The following VPS26B variants were observed in gnomAD, a reference collection of about 807,000 sequenced individuals.
The protein encoded by VPS26B is vacuolar protein sorting-associated protein 26B.
In VPS26B, 10 loss-of-function variants were observed where a neutral mutation model predicts 33.3. The observed-to-expected ratio is 0.30, with a 90% CI of 0.19 to 0.51. The LOEUF (loss-of-function observed/expected upper bound fraction) is 0.51, where lower values mean the gene tolerates loss of function less well. Ranked by LOEUF, VPS26B falls within the 20% of genes least tolerant of loss-of-function variation. The pLI, the probability that VPS26B is intolerant of heterozygous loss-of-function variation, is 0.98. For missense variants in VPS26B, 317 were observed against 452.7 expected (o/e 0.70, Z 2.72); for synonymous variants, 190 against 176.9 (o/e 1.07, Z -0.59).
chr11:134,242,503 T>G (rs1565358797), intron 3 of VPS26B, among the ~76,000 whole-genome samples: 1 of 152,250 alleles, frequency 6.6e-6, no homozygotes, highest in African/African-American at 2.4e-5. Context: ...TGTGCACATG[T>G]AGACTATTGA....
rs528601040 is a variant in VPS26B at position 134,224,824 on chromosome 11, C to G, written c.-299C>G. 1 of 156,968 alleles carries G rather than the reference C, an allele frequency of 6.4e-6. No individual in the cohort carries two copies. The highest frequency in any genetic ancestry group is 1.8e-4 in the East Asian group (1 of 5,432). 9.7% of individuals were successfully genotyped at this position (156,968 alleles called of 1,614,324 possible). On this transcript the variant is annotated 5_prime_UTR_variant, in exon 1 of 6. Transcript: ENST00000281187. ...GCATTGCACGGCCGACCCTCGCCCG[C>G]CCACTGCCACCGGCCGCGGGACTGG...
At chr11:134,227,067 GT>G (rs937244255) in intron 1 of VPS26B, among the ~76,000 whole-genome samples, 3 of 152,128 alleles carry the variant, frequency 2.0e-5, no homozygotes, top group African/African-American at 7.2e-5. Context: ...GTCTGGCATC[GT>G]TTGGCATGTT....
Position 134,234,911 on chromosome 11 carries a change from C to T in VPS26B, c.238C>T (p.Arg80Cys), listed in dbSNP as rs370978210. The T allele has an allele frequency of 6.2e-7, 1 of 1,614,020 alleles. No individual in the cohort carries two copies. The change falls in exon 2 of 6, where the codon CGC becomes TGC. Residue 80 changes from arginine (R) to cysteine (C), a missense_variant. Transcript: ENST00000281187. ...TCTCTCACCAGAACTCTACTACGAT[C>T]GCGGGAACCACCATGAGTTTGTGTC... Reference protein sequence around the residue: ...FIGQIELYYDRGNHHEFVSLV... With the variant: ...FIGQIELYYDCGNHHEFVSLV...
chr11:134,225,826 C>T (rs1226855128), intron 1 of VPS26B, among the ~76,000 whole-genome samples: 3 of 152,136 alleles, frequency 2.0e-5, no homozygotes, highest in Admixed American at 6.5e-5. Flanking sequence ...GAGCCCGCAC[C>T]AACCCGTTTT....
Position 134,244,711 on chromosome 11 carries a change from T to G in VPS26B, c.722-227T>G. On this transcript the variant is annotated intron_variant, in intron 4 of 5. Coordinates refer to ENST00000281187, the MANE Select transcript of VPS26B (RefSeq NM_052875.5). This position sits in a 1 kb window ranked among gnomAD's most constrained non-coding sequence, Gnocchi z 4.0. ...GTGCTGTTCCCACTCAGTTGCTCTCTGTTTTCGAGAAGACATGAGAAGCTG... is the reference window on the plus strand; with the variant it reads ...GTGCTGTTCCCACTCAGTTGCTCTCGGTTTTCGAGAAGACATGAGAAGCTG... 1.9e-6 allele frequency: 1 copy of G among 532,920 alleles called. No individual in the cohort carries two copies. The highest frequency in any genetic ancestry group is 3.3e-6 in the Non-Finnish European group (1 of 303,756). The allele number at this position is 532,920 out of a possible 1,614,324, so 33.0% of individuals were successfully genotyped here. A position where few individuals can be genotyped will look rare whatever the true frequency, so the allele number is the denominator to read the frequency against.
rs770428362 is a variant in VPS26B, at chr11:134,225,356, C to G, written c.223+11C>G. The G allele has an allele frequency of 1.9e-6, 3 of 1,612,880 alleles. No individual in the cohort carries two copies. The South Asian group carries it at 3.3e-5, about 18-fold the overall frequency. On this transcript the variant is annotated intron_variant, in intron 1 of 5. Coordinates refer to ENST00000281187, the MANE Select transcript of VPS26B (RefSeq NM_052875.5). ...TCATCGGGCAGATCGGTGAGTCGAC[C>G]CCCGGGACCCCCTCCCCCAGCGCCG...
intron 4 of VPS26B, 129 bp downstream of exon 4, chr11:134,243,423 TCAGTTTA>T: frequency 8.7e-7 from 1 of 1,152,356 alleles, no homozygotes; most frequent in Non-Finnish European, 1.2e-6. Flanking sequence ...TCTTAATCTC[TCAGTTTA>T]CACCGTGGGT....
rs915099694 is a variant in VPS26B, at chr11:134,225,102, C to G, written c.-21C>G. ...TGCGAGGGAGCGGTCCTTACCGAGACCCGCCCGGCCCGGCGGTGCGATGAG... is the reference window on the plus strand; with the variant it reads ...TGCGAGGGAGCGGTCCTTACCGAGAGCCGCCCGGCCCGGCGGTGCGATGAG... On this transcript the variant is annotated 5_prime_UTR_variant, in exon 1 of 6. Transcript: ENST00000281187. The G allele has an allele frequency of 3.2e-6, 5 of 1,582,250 alleles. No individual in the cohort carries two copies. The highest frequency in any genetic ancestry group is 4.3e-6 in the Non-Finnish European group (5 of 1,162,622).
intron 1 of VPS26B, among the ~76,000 whole-genome samples, chr11:134,229,847 G>A (rs1185518580): frequency 6.6e-6 from 1 of 152,074 alleles, no homozygotes; most frequent in African/African-American, 2.4e-5. Context: ...TTGGTTAATG[G>A]GGGAAAGTAT....
chr11:134,230,437 G>A (rs1400086425), intron 1 of VPS26B, among the ~76,000 whole-genome samples: 1 of 152,196 alleles, frequency 6.6e-6, no homozygotes, highest in Non-Finnish European at 1.5e-5. Flanking sequence ...AATCAGGTTT[G>A]TTTTGGTGGT....
chr11:134,235,172 G>A (rs978767045), intron 2 of VPS26B, 119 bp downstream of exon 2: 155 of 1,303,390 alleles, frequency 1.2e-4, no homozygotes, highest in Middle Eastern at 2.6e-4. Context: ...AGAGTGTCGC[G>A]AGCTGTGGCG....
intron 2 of VPS26B, chr11:134,235,660 G>C (rs1938620744): frequency 6.6e-6 from 1 of 152,106 alleles, no homozygotes; most frequent in Non-Finnish European, 1.5e-5. Context: ...TAATGGACTT[G>C]GATTCTAATT....
chr11:134,226,441 ACAGTAAAAGG>A (rs1452501802), intron 1 of VPS26B, among the ~76,000 whole-genome samples: 2 of 152,184 alleles, frequency 1.3e-5, no homozygotes, highest in African/African-American at 2.4e-5. Flanking sequence ...TAAGAACTAG[ACAGTAAAAGG>A]CAGTAATGGT....
intron 3 of VPS26B, among the ~76,000 whole-genome samples, chr11:134,241,933 A>G (rs1015005176): frequency 1.3e-5 from 2 of 152,250 alleles, no homozygotes; most frequent in African/African-American, 4.8e-5. Context: ...AAACACACAG[A>G]AAGTGTGAGG....
At chr11:134,227,520 TGAA>T (rs1192902111) in intron 1 of VPS26B, among the ~76,000 whole-genome samples, 1 of 152,172 alleles carries the variant, frequency 6.6e-6, no homozygotes, top group Non-Finnish European at 1.5e-5. Context: ...GAAAGGGAGT[TGAA>T]GAAACTGCTT....
intron 1 of VPS26B, among the ~76,000 whole-genome samples, chr11:134,234,165 A>G (rs888525214): frequency 6.6e-6 from 1 of 152,212 alleles, no homozygotes; most frequent in African/African-American, 2.4e-5. Context: ...CAGTGGAGGG[A>G]ATAACATGAA....
chr11:134,226,162 A>AG (rs1300748661), intron 1 of VPS26B, among the ~76,000 whole-genome samples: 1 of 152,186 alleles, frequency 6.6e-6, no homozygotes, highest in Non-Finnish European at 1.5e-5. Context: ...GCACTTTGAG[A>AG]GGCTGAAGTG....
intron 1 of VPS26B, 46 bp from the exon 2 acceptor site, chr11:134,234,851 C>T (rs537932010): frequency 2.5e-6 from 4 of 1,598,452 alleles, no homozygotes; most frequent in African/African-American, 2.7e-5. Flanking sequence ...CCCGGTGTAG[C>T]TCAGGGTCTG....
At chr11:134,225,520 C>A in intron 1 of VPS26B, 175 bp downstream of exon 1, 1 of 675,836 alleles carries the variant, frequency 1.5e-6, no homozygotes, top group Non-Finnish European at 2.5e-6. Flanking sequence ...CGTTACTGTC[C>A]TCCCTGCCAA....
Sources: allele counts gnomAD v4.1 joint callset (sites outside exome capture counted in the v4.1 genomes callset), GRCh38; gene constraint gnomAD v4.1.1; non-coding constraint Gnocchi (gnomAD v3.1); transcripts MANE v1.5; gene names NCBI Gene and HGNC (gene_info 2026-07-23, HGNC 2026-07-21).